CSMD2: variants seen among roughly 807,000 people sequenced by gnomAD.
The protein encoded by CSMD2 is CUB and sushi domain-containing protein 2.
CSMD2 carries 130 observed loss-of-function variants against 398.5 expected under a neutral mutation model. The ratio of observed to expected loss-of-function variants is 0.33; its 90% CI spans 0.28 to 0.38. The LOEUF is 0.38. Ranked by LOEUF, CSMD2 falls within the 10% of genes least tolerant of loss-of-function variation. CSMD2 has a pLI of 1.00. For synonymous variants in CSMD2, 1,828 were observed against 1,908.5 expected (o/e 0.96, Z 1.10); for missense variants, 3,829 against 4,764.9 (o/e 0.80, Z 5.78).
chr1:33,577,205 C>T lies in CSMD2; in HGVS notation c.7576+91G>A, dbSNP rs145806797. 3,724 of 1,194,868 alleles carry T rather than the reference C, an allele frequency of 3.1e-3. 10 individuals carry two copies. The highest frequency in any genetic ancestry group is 3.6e-3 in the Non-Finnish European group (3,035 of 849,926). The allele number at this position is 1,194,868 out of a possible 1,614,324, so 74.0% of individuals were successfully genotyped here. ...AATGAAATAATTATCAAAGAGGAAA[C>T]CCACATTTGGAAGTGACTAGTCCTG... On this transcript the variant is annotated intron_variant, in intron 49 of 70. Coordinates refer to ENST00000373381, the MANE Select transcript of CSMD2 (RefSeq NM_001281956.2).
chr1:34,017,566 G>C (rs1366574328), intron 3 of CSMD2, among the ~76,000 whole-genome samples: 1 of 152,154 alleles, frequency 6.6e-6, no homozygotes, highest in Non-Finnish European at 1.5e-5. Context: ...AGACCAGCCT[G>C]AGCAACATAG....
At position 34,113,359 on chromosome 1, in the gene CSMD2, G is replaced by T. The variant is rs11803951; in HGVS notation, c.188-24166C>A. 5.9e-3 allele frequency among the ~76,000 whole-genome samples: 895 copies of T among 152,340 alleles called. 12 individuals carry two copies. Among genetic ancestry groups the T allele is most frequent in the African/African-American group, 0.02 (852 of 41,578 alleles). The stretch of plus-strand genomic sequence containing the variant: ...CCTGTGACTCCTGACAGTTGTCACA[G>T]ATGCAACATCCTCTCAAAACATGTC... On this transcript the variant is annotated intron_variant, in intron 1 of 70. Transcript: ENST00000373381.
rs916658856 is a variant in CSMD2 at position 33,752,512 on chromosome 1, G to C, written c.1847-8906C>G. On this transcript the variant is annotated intron_variant, in intron 13 of 70. Coordinates refer to ENST00000373381, the MANE Select transcript of CSMD2 (RefSeq NM_001281956.2). ...ATGCCTGTACAGCCTGCAGAACCAC[G>C]AGCCAAATCAAACCTCTTTTCTTTA... Among the ~76,000 whole-genome samples, 8 of 152,150 alleles carry C rather than the reference G, an allele frequency of 5.3e-5. No homozygotes were observed. In the East Asian group the frequency reaches 5.8e-4, roughly 11 times the overall value.
rs576865990 is a variant in CSMD2, at chr1:34,140,285, G to C, written c.187+24626C>G. On this transcript the variant is annotated intron_variant, in intron 1 of 70. Transcript: ENST00000373381. Reference sequence around the variant, plus strand: ...AGATAATACTCCAGACAGAGGAATCGGCATATGCAAAAAAACAAACAAACA... The same window carrying C: ...AGATAATACTCCAGACAGAGGAATCCGCATATGCAAAAAAACAAACAAACA... 4.5e-3 allele frequency among the ~76,000 whole-genome samples: 505 copies of C among 111,218 alleles called. 2 individuals carry two copies. The highest frequency in any genetic ancestry group is 0.028 in the East Asian group (122 of 4,318). The allele number at this position is 111,218 out of a possible 152,430, so 73.0% of individuals were successfully genotyped here.
intron 44 of CSMD2, chr1:33,600,187 G>C: frequency 2.8e-6 from 2 of 715,956 alleles, no homozygotes; most frequent in Non-Finnish European, 5.2e-6. Context: ...GCCCAAGGTG[G>C]AGCTGGGAGT....
intron 44 of CSMD2, chr1:33,600,614 G>A (rs1179659956): frequency 1.8e-6 from 1 of 560,422 alleles, no homozygotes; most frequent in Non-Finnish European, 3.2e-6. Context: ...TGGCACCAAG[G>A]TTTGGGCTTC....
At chr1:33,984,005 T>C (rs1558200203) in intron 3 of CSMD2, among the ~76,000 whole-genome samples, 1 of 152,088 alleles carries the variant, frequency 6.6e-6, no homozygotes, top group South Asian at 2.1e-4. Context: ...ATACAAAAAA[T>C]TAGCTAGGCG....
At chr1:34,165,750 C>G (rs1249810242), upstream of CSMD2, 2 of 1,613,894 alleles carry the variant, frequency 1.2e-6, no homozygotes, top group East Asian at 2.2e-5. Flanking sequence ...CTCTTACCAG[C>G]TGATCTTGGG....
chr1:33,857,560 G>A (rs1214280553), intron 5 of CSMD2, among the ~76,000 whole-genome samples: 5 of 152,082 alleles, frequency 3.3e-5, no homozygotes, highest in Admixed American at 1.3e-4. Context: ...TGCAAATGGC[G>A]GCTGCTTGAG....
At chr1:34,022,936 A>ATCC (rs1649114023) in intron 3 of CSMD2, among the ~76,000 whole-genome samples, 1 of 152,020 alleles carries the variant, frequency 6.6e-6, no homozygotes, top group Non-Finnish European at 1.5e-5. Context: ...GGCTCTAGTG[A>ATCC]TCCTCCTGCC....
intron 15 of CSMD2, 123 bp from the exon 16 acceptor site, chr1:33,726,808 A>C: frequency 9.4e-7 from 1 of 1,060,402 alleles, no homozygotes; most frequent in Non-Finnish European, 1.3e-6. Context: ...AAAATTACAT[A>C]AACTATAAAC....
chr1:33,901,621 G>T (rs1164957463), intron 5 of CSMD2, among the ~76,000 whole-genome samples: 3 of 152,212 alleles, frequency 2.0e-5, no homozygotes, highest in African/African-American at 7.2e-5. Flanking sequence ...ATACCAGGTA[G>T]ACAAGGAGGT....
At chr1:34,006,494 AT>A (rs1297801158) in intron 3 of CSMD2, among the ~76,000 whole-genome samples, 2 of 152,154 alleles carry the variant, frequency 1.3e-5, no homozygotes, top group African/African-American at 4.8e-5. Flanking sequence ...TAGAGTATAA[AT>A]AACAGATAAA....
chr1:33,628,832 A>C (rs1238500010), intron 32 of CSMD2, among the ~76,000 whole-genome samples: 1 of 152,180 alleles, frequency 6.6e-6, no homozygotes, highest in East Asian at 1.9e-4. Flanking sequence ...AAAAAAGAAA[A>C]TCACATAGAC....
At chr1:33,979,651 C>T (rs1373064074) in intron 3 of CSMD2, among the ~76,000 whole-genome samples, 1 of 152,160 alleles carries the variant, frequency 6.6e-6, no homozygotes, top group Non-Finnish European at 1.5e-5. Flanking sequence ...AGAAGGGAGA[C>T]AGCAGCCATT....
intron 3 of CSMD2, among the ~76,000 whole-genome samples, chr1:34,020,999 T>G (rs1251093117): frequency 6.6e-6 from 1 of 152,120 alleles, no homozygotes; most frequent in Non-Finnish European, 1.5e-5. Flanking sequence ...AATCTCCAAA[T>G]CAGAATCTCC....
Position 33,617,481 on chromosome 1 carries a change from G to A in CSMD2, c.5946+18C>T. ...CAGGGGACACCTGTTTCCTGCTCTA[G>A]GGTGTCAGGGGAGGTACCTGGAGGG... On this transcript the variant is annotated intron_variant, in intron 38 of 70. Transcript: ENST00000373381. 1.3e-6 allele frequency: 2 copies of A among 1,572,054 alleles called. No individual in the cohort carries two copies. Among genetic ancestry groups the A allele is most frequent in the Non-Finnish European group, 1.8e-6 (2 of 1,141,628 alleles).
At chr1:33,567,939 A>T in intron 52 of CSMD2, 98 bp from the exon 53 acceptor site, 1 of 1,406,270 alleles carries the variant, frequency 7.1e-7, no homozygotes. Context: ...TGACTTCAGG[A>T]ACCCTCAGCA....
chr1:34,070,243 T>C (rs1171687898), intron 2 of CSMD2, among the ~76,000 whole-genome samples: 1 of 152,240 alleles, frequency 6.6e-6, no homozygotes, highest in Non-Finnish European at 1.5e-5. Context: ...ACTTCTTGCC[T>C]AAGTGCAGGC....
Sources: gnomAD v4.1 joint callset for allele counts (sites outside exome capture counted in the v4.1 genomes callset) on GRCh38, gnomAD v4.1.1 for gene constraint, MANE v1.5 for transcripts, NCBI Gene and HGNC (gene_info 2026-07-23, HGNC 2026-07-21) for gene names.